The following COG5 variants were observed in gnomAD, a reference collection of about 807,000 sequenced individuals.
The protein encoded by COG5 is component of oligomeric golgi complex 5.
COG5 carries 86 observed loss-of-function variants against 110.4 expected under a neutral mutation model. The observed-to-expected ratio is 0.78, with a 90% confidence interval of 0.65 to 0.93. The LOEUF is 0.93. Among genes scored for constraint, COG5 ranks in the 40% least tolerant of loss-of-function variants. The pLI, the probability that COG5 is intolerant of heterozygous loss-of-function variation, is 0.00. For missense variants in COG5, 1,077 were observed against 987.0 expected (o/e 1.09, Z -1.22); for synonymous variants, 360 against 334.6 (o/e 1.08, Z -0.83).
At chr7:107,509,622 G>A (rs58675467) in intron 6 of COG5, among the ~76,000 whole-genome samples, 12 of 152,306 alleles carry the variant, frequency 7.9e-5, no homozygotes, top group African/African-American at 2.4e-4. Context: ...TGAAATGAAG[G>A]ACAAAATGTT....
intron 14 of COG5, among the ~76,000 whole-genome samples, chr7:107,269,117 A>T (rs1398726906): frequency 6.6e-6 from 1 of 152,032 alleles, no homozygotes; most frequent in Non-Finnish European, 1.5e-5. Context: ...TTTTCCATTA[A>T]CTTAATTCTA....
At chr7:107,411,785 C>T (rs1792317898) in intron 7 of COG5, among the ~76,000 whole-genome samples, 2 of 151,974 alleles carry the variant, frequency 1.3e-5, no homozygotes, top group South Asian at 2.1e-4. Context: ...CATAAATGCA[C>T]AAAATGAAAT....
chr7:107,214,857 G>A (rs1799408522), intron 19 of COG5, among the ~76,000 whole-genome samples: 1 of 151,264 alleles, frequency 6.6e-6, no homozygotes, highest in African/African-American at 2.4e-5. Flanking sequence ...GGAGGTGGTG[G>A]TTGTAGTGAG....
chr7:107,503,386 T>C (rs115712785), intron 6 of COG5, among the ~76,000 whole-genome samples: 1,598 of 152,284 alleles, frequency 0.01, 17 homozygotes, highest in African/African-American at 0.037. Context: ...AACCATGCTG[T>C]TCTGGTAACT....
At chr7:107,256,820 T>C (rs1802920179) in intron 15 of COG5, 26 bp from the exon 16 acceptor site, 2 of 1,553,942 alleles carry the variant, frequency 1.3e-6, no homozygotes, top group East Asian at 2.2e-5. Context: ...GATCCAGTTA[T>C]AGTTTCGCTT....
chr7:107,295,101 A>ATAT (rs1289733590), intron 12 of COG5, among the ~76,000 whole-genome samples: 6 of 45,534 alleles, frequency 1.3e-4, no homozygotes, highest in African/African-American at 8.4e-5. Context: ...ATATATATAT[A>ATAT]TTTTTTTTTT....
Position 107,248,501 on chromosome 7 carries a change from T to TAAAAAAAAAAAAAAAAA in COG5, c.1750-3_1750-2insTTTTTTTTTTTTTTTTT. On this transcript the variant is annotated splice_region_variant and splice_polypyrimidine_tract_variant and intron_variant, in intron 16 of 21. Coordinates refer to ENST00000297135, the MANE Select transcript of COG5 (RefSeq NM_006348.5). The stretch of plus-strand genomic sequence containing the variant: ...ATTTTCCATAAGAGCATGAATAGCC[T>TAAAAAAAAAAAAAAAAA]AAAAAAAAAAAAGAAAGAAAAAAAA... The TAAAAAAAAAAAAAAAAA allele has an allele frequency of 1.6e-6, 2 of 1,268,802 alleles. No homozygotes were observed. Among genetic ancestry groups the TAAAAAAAAAAAAAAAAA allele is most frequent in the South Asian group, 1.4e-5 (1 of 73,942 alleles). 78.6% of individuals were successfully genotyped at this position (1,268,802 alleles called of 1,614,324 possible).
At chr7:107,240,970 A>G (rs1801576916) in intron 17 of COG5, among the ~76,000 whole-genome samples, 1 of 152,136 alleles carries the variant, frequency 6.6e-6, no homozygotes, top group Admixed American at 6.5e-5. Flanking sequence ...AGCAACTGGG[A>G]AAAAAAATAC....
intron 3 of COG5, among the ~76,000 whole-genome samples, chr7:107,553,200 T>G (rs1364860994): frequency 6.6e-6 from 1 of 152,150 alleles, no homozygotes; most frequent in Non-Finnish European, 1.5e-5. Flanking sequence ...TGTAATATTC[T>G]CAGGTACAAA....
intron 6 of COG5, among the ~76,000 whole-genome samples, chr7:107,465,792 C>T (rs1796259464): frequency 6.6e-6 from 1 of 152,102 alleles, no homozygotes; most frequent in Non-Finnish European, 1.5e-5. Context: ...TAAAACTCTG[C>T]CATTCTCAGG....
Position 107,274,460 on chromosome 7 carries a change from G to A in COG5, c.1575+6840C>T, listed in dbSNP as rs984623938. Among the ~76,000 whole-genome samples, 5 of 152,066 alleles carry A rather than the reference G, an allele frequency of 3.3e-5. No homozygotes were observed. The South Asian group carries it at 6.2e-4, about 19-fold the overall frequency. On this transcript the variant is annotated intron_variant, in intron 14 of 21. Coordinates refer to ENST00000297135, the MANE Select transcript of COG5 (RefSeq NM_006348.5). Reference sequence around the variant, plus strand: ...CTATTTAATTTTGCACTGTGGAGGGGTTGTTTTGGTGAGACTTACGGGAAT... The same window carrying A: ...CTATTTAATTTTGCACTGTGGAGGGATTGTTTTGGTGAGACTTACGGGAAT...
intron 6 of COG5, among the ~76,000 whole-genome samples, chr7:107,492,695 T>G (rs879487768): frequency 2.6e-5 from 4 of 152,154 alleles, no homozygotes; most frequent in Non-Finnish European, 5.9e-5. Flanking sequence ...GCTTCAAATC[T>G]TTCCTGTCTC....
chr7:107,434,422 A>G (rs918575993), intron 6 of COG5, among the ~76,000 whole-genome samples: 3 of 152,212 alleles, frequency 2.0e-5, no homozygotes, highest in Non-Finnish European at 4.4e-5. Flanking sequence ...AAAGCAACCC[A>G]AAAGTCCACT....
Position 107,474,947 on chromosome 7 carries a change from G to A in COG5, c.538+52290C>T, listed in dbSNP as rs1584871495. ...GTTTCTGTAATAATTGCCCTCCGGC[G>A]AGCTGTGAAACGACACCGTGAACGA... On this transcript the variant is annotated intron_variant, in intron 6 of 21. Transcript: ENST00000297135. This position sits in a 1 kb window ranked among gnomAD's most constrained non-coding sequence, Gnocchi z 5.7. 5.6e-6 allele frequency: 9 copies of A among 1,612,460 alleles called. No individual in the cohort carries two copies. The highest frequency in any genetic ancestry group is 7.6e-6 in the Non-Finnish European group (9 of 1,179,302).
At chr7:107,299,027 C>T (rs1308519547) in intron 11 of COG5, among the ~76,000 whole-genome samples, 2 of 152,164 alleles carry the variant, frequency 1.3e-5, no homozygotes, top group East Asian at 3.9e-4. Flanking sequence ...TGTGGGATGT[C>T]ACCAAAGGAG....
chr7:107,210,657 T>C lies in COG5; in HGVS notation c.2296-52A>G, dbSNP rs7784140. 0.016 allele frequency: 24,012 copies of C among 1,535,948 alleles called. 327 individuals are homozygous for C. The highest frequency in any genetic ancestry group is 0.073 in the Middle Eastern group (433 of 5,950). ...GAGTGCATACGCATTCTTTAGTAAA[T>C]GGCAGCAAGTGCTGGTTCGAAAAGC... On this transcript the variant is annotated intron_variant, in intron 20 of 21. Coordinates refer to ENST00000297135, the MANE Select transcript of COG5 (RefSeq NM_006348.5).
At chr7:107,208,659 G>A (rs943721534) in intron 21 of COG5, 43 of 985,328 alleles carry the variant, frequency 4.4e-5, no homozygotes, top group African/African-American at 1.9e-4. Context: ...AACATTCACC[G>A]GGGCTGGTAA....
At chr7:107,454,784 A>G in intron 6 of COG5, among the ~76,000 whole-genome samples, 1 of 152,142 alleles carries the variant, frequency 6.6e-6, no homozygotes, top group Non-Finnish European at 1.5e-5. Flanking sequence ...CAGATTTGTG[A>G]GGTGATGCCT....
At chr7:107,513,010 C>A (rs1231756889) in intron 6 of COG5, among the ~76,000 whole-genome samples, 1 of 152,034 alleles carries the variant, frequency 6.6e-6, no homozygotes, top group Non-Finnish European at 1.5e-5. Context: ...GTCTAAAACA[C>A]CAAAAGCAAT....
Sources: allele counts gnomAD v4.1 joint callset (sites outside exome capture counted in the v4.1 genomes callset), GRCh38; gene constraint gnomAD v4.1.1; non-coding constraint Gnocchi (gnomAD v3.1); transcripts MANE v1.5; gene names NCBI Gene and HGNC (gene_info 2026-07-23, HGNC 2026-07-21).